The following EHD4 variants were observed in gnomAD, a reference collection of about 807,000 sequenced individuals.
The protein encoded by EHD4 is EH domain containing 4.
EHD4 carries 37 observed loss-of-function variants against 51.0 expected under a neutral mutation model. The ratio of observed to expected loss-of-function variants is 0.73; its 90% CI spans 0.56 to 0.95. The LOEUF (loss-of-function observed/expected upper bound fraction) is 0.95. EHD4 is among the 40% of genes least tolerant of loss of function. The pLI, the probability that EHD4 is intolerant of heterozygous loss-of-function variation, is 0.00. For synonymous variants in EHD4, 297 were observed against 317.3 expected (o/e 0.94, Z 0.68); for missense variants, 632 against 733.1 (o/e 0.86, Z 1.59).
chr15:41,964,590 A>G (rs1347858542), intron 1 of EHD4, among the ~76,000 whole-genome samples: 1 of 152,106 alleles, frequency 6.6e-6, no homozygotes, highest in Admixed American at 6.5e-5. Flanking sequence ...TGGGCAACAG[A>G]GCAAGACCCT....
At chr15:41,943,593 C>T (rs538913275) in intron 2 of EHD4, among the ~76,000 whole-genome samples, 1 of 152,214 alleles carries the variant, frequency 6.6e-6, no homozygotes, top group African/African-American at 2.4e-5. Flanking sequence ...CAGAGCGGTG[C>T]CTTAAACCAA....
chr15:41,918,777 C>G (rs2067602478), intron 4 of EHD4, among the ~76,000 whole-genome samples: 1 of 152,256 alleles, frequency 6.6e-6, no homozygotes, highest in South Asian at 2.1e-4. Context: ...CGGGGACTAG[C>G]AGTGGCCTCT....
intron 4 of EHD4, among the ~76,000 whole-genome samples, chr15:41,916,676 T>C (rs971904473): frequency 6.6e-6 from 1 of 152,204 alleles, no homozygotes; most frequent in African/African-American, 2.4e-5. Flanking sequence ...GTGAGGTCAA[T>C]GTCATGAGTT....
At chr15:41,968,453 CT>C (rs11291085) in intron 1 of EHD4, among the ~76,000 whole-genome samples, 4,505 of 124,510 alleles carry the variant, frequency 0.036, 159 homozygotes, top group African/African-American at 0.13. Flanking sequence ...ATCTTTACTC[CT>C]TTTTTTTTTT....
intron 5 of EHD4, chr15:41,908,093 T>G (rs2140983791): frequency 6.6e-6 from 1 of 152,226 alleles, no homozygotes; most frequent in East Asian, 1.9e-4. Context: ...CTTGAACTCC[T>G]GACCTCAGGT....
rs1322102415 is a variant in EHD4, at chr15:41,909,753, T to C, written c.1035A>G (p.Leu345=). Residue 345 remains leucine, a synonymous_variant, in exon 5 of 6, where the codon CTA becomes CTG. Coordinates refer to ENST00000220325, the MANE Select transcript of EHD4 (RefSeq NM_139265.4). ...CTGCAGAAATCTGGTATTCTCGCTG[T>C]AGCTGAATGTAGATTTCCGGTAGCC... is the stretch of plus-strand genomic sequence containing the variant. ...ISRLPEIYIQ[L]QREYQISAGD... 12 of 1,614,098 alleles carry C rather than the reference T, an allele frequency of 7.4e-6. No homozygotes were observed. In the Admixed American group the frequency reaches 1.8e-4, roughly 25 times the overall value.
At chr15:41,953,994 C>T (rs2067870209) in intron 1 of EHD4, 54 bp from the exon 2 acceptor site, 3 of 1,581,060 alleles carry the variant, frequency 1.9e-6, no homozygotes, top group East Asian at 4.5e-5. Flanking sequence ...AAGTAAGAGG[C>T]CAGAAAGCTG....
At chr15:41,968,113 C>G (rs1368284504) in intron 1 of EHD4, among the ~76,000 whole-genome samples, 1 of 152,158 alleles carries the variant, frequency 6.6e-6, no homozygotes, top group Non-Finnish European at 1.5e-5. Context: ...TGTTCTTGTT[C>G]TAATCATACC....
At chr15:41,942,934 C>T in intron 3 of EHD4, 133 bp downstream of exon 3, 1 of 792,302 alleles carries the variant, frequency 1.3e-6, no homozygotes, top group Non-Finnish European at 2.0e-6. Context: ...CTGGTTGACA[C>T]TTGGGGCCCC....
chr15:41,923,748 A>G (rs2067642815), intron 3 of EHD4, among the ~76,000 whole-genome samples: 1 of 152,258 alleles, frequency 6.6e-6, no homozygotes, highest in African/African-American at 2.4e-5. Context: ...TTAAAGTAGT[A>G]TTAGTTCCTT....
intron 3 of EHD4, among the ~76,000 whole-genome samples, chr15:41,920,237 A>T (rs2067615878): frequency 6.6e-6 from 1 of 152,256 alleles, no homozygotes; most frequent in Non-Finnish European, 1.5e-5. Context: ...AACATTACGT[A>T]TCACAGCCAT....
intron 1 of EHD4, among the ~76,000 whole-genome samples, chr15:41,966,733 C>T (rs565851255): frequency 1.3e-5 from 2 of 152,294 alleles, no homozygotes; most frequent in African/African-American, 2.4e-5. Context: ...ACATCCTGGT[C>T]TGATGGGTTT....
chr15:41,972,210 T>A (rs751453834), intron 1 of EHD4, 49 bp downstream of exon 1: 47 of 1,441,270 alleles, frequency 3.3e-5, no homozygotes, highest in Non-Finnish European at 4.3e-5. Context: ...GGCGCACACG[T>A]GGGGAGGGCG....
In EHD4 at chr15:41,919,393, G is replaced by C; in HGVS notation, c.741C>G (p.Ile247Met). Residue 247 changes from isoleucine (I) to methionine (M), a missense_variant, in exon 4 of 6, where the codon ATC (isoleucine) becomes ATG (methionine). Physicochemically the swap from Ile to Met is conservative, Grantham distance 10 (BLOSUM62 1). Coordinates refer to ENST00000220325, the MANE Select transcript of EHD4 (RefSeq NM_139265.4). ...AGACGCGCAGTACCTCGGGCGTGTT[G>C]ATGACCTTGCCTAGGGACCACATGA... ...GALMWSLGKV[I>M]NTPEVLRVYI... 6.2e-7 allele frequency: 1 copy of C among 1,609,952 alleles called. No individual in the cohort carries two copies. The highest frequency in any genetic ancestry group is 8.5e-7 in the Non-Finnish European group (1 of 1,177,492).
At chr15:41,966,393 C>A (rs915472865) in intron 1 of EHD4, among the ~76,000 whole-genome samples, 2 of 152,164 alleles carry the variant, frequency 1.3e-5, no homozygotes, top group Non-Finnish European at 2.9e-5. Context: ...CTTTACTTGC[C>A]TCGTATCCCC....
In EHD4 at chr15:41,972,500, C is replaced by A. The variant is rs1414068543; in HGVS notation, c.-6G>T. 4 of 1,503,996 alleles carry A rather than the reference C, an allele frequency of 2.7e-6. No homozygotes were observed. The highest frequency in any genetic ancestry group is 2.9e-5 in the African/African-American group (2 of 69,630). The allele number at this position is 1,503,996 out of a possible 1,614,324, so 93.2% of individuals were successfully genotyped here. On this transcript the variant is annotated 5_prime_UTR_variant, in exon 1 of 6. Transcript: ENST00000220325. ...CGCCCCATCCAGCTGAACATCCTGC[C>A]GCCAGTCCACGCTCGGATGGGACCC...
rs367728044 is a variant in EHD4 at position 41,900,313 on chromosome 15, TC to T, written c.*331del. 1.0e-3 allele frequency: 320 copies of T among 314,288 alleles called. No homozygotes were observed. The highest frequency in any genetic ancestry group is 6.6e-3 in the African/African-American group (308 of 46,874). The allele number at this position is 314,288 out of a possible 1,614,324, so 19.5% of individuals were successfully genotyped here. On this transcript the variant is annotated 3_prime_UTR_variant, in exon 6 of 6. Transcript: ENST00000220325. The surrounding 1 kb of genome is among the most constrained non-coding windows in gnomAD (Gnocchi z 4.8). ...CCAGCTGCTCTGGGTGAGCCTTAGC[TC>T]ACTTCCTGTGGTTCCTGGGACTTAC...
At chr15:41,917,399 G>A (rs569137529) in intron 4 of EHD4, among the ~76,000 whole-genome samples, 7 of 152,292 alleles carry the variant, frequency 4.6e-5, no homozygotes, top group East Asian at 3.9e-4. Context: ...GATTACAGGC[G>A]TAAGCCACCG....
intron 1 of EHD4, among the ~76,000 whole-genome samples, chr15:41,956,274 C>T (rs1316450153): frequency 2.6e-5 from 4 of 152,106 alleles, no homozygotes; most frequent in African/African-American, 7.2e-5. Flanking sequence ...TTGGGTGGCT[C>T]GCGGCAACAC....
Sources: gnomAD v4.1 joint callset for allele counts (sites outside exome capture counted in the v4.1 genomes callset) on GRCh38, gnomAD v4.1.1 for gene constraint, Gnocchi (gnomAD v3.1) non-coding constraint, MANE v1.5 for transcripts, NCBI Gene and HGNC (gene_info 2026-07-23, HGNC 2026-07-21) for gene names.